HECW2: variants seen among roughly 807,000 people sequenced by gnomAD.
HECW2 encodes HECT, C2 and WW domain containing E3 ubiquitin protein ligase 2.
In HECW2, 61 loss-of-function variants were observed where a neutral mutation model predicts 175.2. That is an observed-to-expected ratio of 0.35 (90% CI 0.28 to 0.43). The LOEUF (loss-of-function observed/expected upper bound fraction) is 0.43, where lower values mean the gene tolerates loss of function less well. Ranked by LOEUF, HECW2 falls within the 20% of genes least tolerant of loss-of-function variation. The pLI, the probability that HECW2 is intolerant of heterozygous loss-of-function variation, is 1.00. For missense variants in HECW2, 1,524 were observed against 2,000.5 expected (o/e 0.76, Z 4.54); for synonymous variants, 671 against 731.0 (o/e 0.92, Z 1.32).
At chr2:196,547,306 T>C (rs916232110) in intron 1 of HECW2, among the ~76,000 whole-genome samples, 1 of 152,218 alleles carries the variant, frequency 6.6e-6, no homozygotes, top group Admixed American at 6.5e-5. Flanking sequence ...GGAGGGATAC[T>C]GCACTCAGGC....
At chr2:196,369,637 G>A (rs911191259) in intron 2 of HECW2, among the ~76,000 whole-genome samples, 3 of 152,048 alleles carry the variant, frequency 2.0e-5, no homozygotes, top group Non-Finnish European at 4.4e-5. Context: ...TCCTGGGCAG[G>A]CCTAAAGATG....
rs1045083066 is a variant in HECW2, at chr2:196,267,205, C to G, written c.3335+3988G>C. On this transcript the variant is annotated intron_variant, in intron 17 of 28. Transcript: ENST00000644978. ...CATATTAGAGGGGAAATTCTCAACT[C>G]TTAACTCAGGTTCATGGCCTTTCTC... Among the ~76,000 whole-genome samples, 9 of 152,158 alleles carry G rather than the reference C, an allele frequency of 5.9e-5. 1 individual carries two copies. The highest frequency in any genetic ancestry group is 1.2e-4 in the Non-Finnish European group (8 of 68,014).
At chr2:196,592,408 G>A (rs1691231599) in intron 1 of HECW2, 1 of 152,038 alleles carries the variant, frequency 6.6e-6, no homozygotes, top group Non-Finnish European at 1.5e-5. Flanking sequence ...AATAATAAAC[G>A]ACGAAAAGCA....
chr2:196,404,579 T>A (rs968365045), intron 2 of HECW2, among the ~76,000 whole-genome samples: 1 of 152,184 alleles, frequency 6.6e-6, no homozygotes, highest in Non-Finnish European at 1.5e-5. Flanking sequence ...GAGATTTTTA[T>A]CATCTTGGAA....
In HECW2 at chr2:196,240,462, C is replaced by T. The variant is rs377412926; in HGVS notation, c.3751G>A (p.Val1251Ile). Residue 1251 changes from valine to isoleucine, a missense_variant, in exon 21 of 29, where the codon GTT becomes ATT. Physicochemically the swap from Val to Ile is conservative, Grantham distance 29. Around this residue, in one of 11 missense-constraint regions of HECW2, gnomAD observed 291 missense variants for 412.2 expected, o/e 0.71. Transcript: ENST00000644978. ...LQRNKLYVTFVGEEGLDYSGP... is the reference protein window; with the variant it reads ...LQRNKLYVTFIGEEGLDYSGP... The stretch of plus-strand genomic sequence containing the variant: ...TGTTCTACTCACCCTTCCTCCCCAA[C>T]GAAGGTGACATATAGCTTATTTCTC... 8 of 1,608,354 alleles carry T rather than the reference C, an allele frequency of 5.0e-6. No individual in the cohort carries two copies. Among genetic ancestry groups the T allele is most frequent in the Middle Eastern group, 1.7e-4 (1 of 6,050 alleles).
chr2:196,451,638 G>T (rs919691073), intron 1 of HECW2, among the ~76,000 whole-genome samples: 1 of 152,090 alleles, frequency 6.6e-6, no homozygotes, highest in Non-Finnish European at 1.5e-5. Flanking sequence ...AGTGGCTCAT[G>T]CCTGTAATCC....
Position 196,236,796 on chromosome 2 carries a change from C to T in HECW2, c.3764+3653G>A, listed in dbSNP as rs113586885. On this transcript the variant is annotated intron_variant, in intron 21 of 28. Transcript: ENST00000644978. Reference sequence around the variant, plus strand: ...AAAGTGCCACCCTCACGCATCATACCGAGGGTACATATTATCAACATGACT... The same window carrying T: ...AAAGTGCCACCCTCACGCATCATACTGAGGGTACATATTATCAACATGACT... Among the ~76,000 whole-genome samples, 647 of 152,268 alleles carry T rather than the reference C, an allele frequency of 4.2e-3. 9 individuals are homozygous for T. Among genetic ancestry groups the T allele is most frequent in the African/African-American group, 0.015 (612 of 41,558 alleles).
At chr2:196,392,030 C>T (rs138551296) in intron 2 of HECW2, among the ~76,000 whole-genome samples, 1 of 152,286 alleles carries the variant, frequency 6.6e-6, no homozygotes, top group East Asian at 1.9e-4. Context: ...CTAATTATAC[C>T]TGCAAAGACC....
chr2:196,538,059 T>G (rs1479707333), intron 1 of HECW2, among the ~76,000 whole-genome samples: 1 of 152,224 alleles, frequency 6.6e-6, no homozygotes, highest in Non-Finnish European at 1.5e-5. Context: ...TCAGGACCCC[T>G]GTCCTGTAAC....
At chr2:196,449,971 T>C (rs1696296606) in intron 1 of HECW2, among the ~76,000 whole-genome samples, 1 of 152,216 alleles carries the variant, frequency 6.6e-6, no homozygotes, top group Admixed American at 6.5e-5. Context: ...TCTCCTCTTC[T>C]TATATGCATT....
intron 1 of HECW2, among the ~76,000 whole-genome samples, chr2:196,510,547 C>T (rs1421669114): frequency 6.6e-6 from 1 of 151,802 alleles, no homozygotes; most frequent in African/African-American, 2.4e-5. Flanking sequence ...GCTTTTATCT[C>T]CAGGTTGTGG....
chr2:196,485,953 C>A (rs893991436), intron 1 of HECW2, among the ~76,000 whole-genome samples: 1 of 152,104 alleles, frequency 6.6e-6, no homozygotes, highest in African/African-American at 2.4e-5. Context: ...GAAGCTATTC[C>A]CTGAATCAAT....
At chr2:196,355,906 G>T (rs1470032671) in intron 2 of HECW2, among the ~76,000 whole-genome samples, 1 of 152,140 alleles carries the variant, frequency 6.6e-6, no homozygotes, top group Non-Finnish European at 1.5e-5. Flanking sequence ...TACATAGGTT[G>T]GTCAGGGAAG....
chr2:196,537,184 C>T (rs1424332491), intron 1 of HECW2, among the ~76,000 whole-genome samples: 1 of 152,030 alleles, frequency 6.6e-6, no homozygotes, highest in Non-Finnish European at 1.5e-5. Flanking sequence ...AGAACCTGAA[C>T]ATCTAAACAC....
chr2:196,443,194 T>C (rs59306455), intron 1 of HECW2, among the ~76,000 whole-genome samples: 37,608 of 151,838 alleles, frequency 0.25, 4,914 homozygotes, highest in Middle Eastern at 0.32. Context: ...CTGAAGGCAG[T>C]TGGGGAGAAG....
chr2:196,525,597 AT>A (rs1319103207), intron 1 of HECW2, among the ~76,000 whole-genome samples: 3 of 134,166 alleles, frequency 2.2e-5, no homozygotes, highest in Non-Finnish European at 4.8e-5. Context: ...TTTTGGCATG[AT>A]TTTGCAGCGG....
intron 17 of HECW2, chr2:196,258,171 G>T: frequency 2.2e-6 from 1 of 447,612 alleles, no homozygotes; most frequent in African/African-American, 2.0e-5. Context: ...TGCTGCCCAA[G>T]TACTATAAAT....
chr2:196,361,918 C>T (rs1000668479), intron 2 of HECW2: 3 of 985,238 alleles, frequency 3.0e-6, no homozygotes, highest in African/African-American at 3.5e-5. Context: ...GGCCAACCCA[C>T]GTGGCAGTTT....
At chr2:196,469,129 G>A (rs1405143094) in intron 1 of HECW2, among the ~76,000 whole-genome samples, 1 of 136,062 alleles carries the variant, frequency 7.3e-6, no homozygotes, top group African/African-American at 3.4e-5. Flanking sequence ...GCGTGTGTGT[G>A]TGTGTGTGTG....
Sources: gnomAD v4.1 joint callset for allele counts (sites outside exome capture counted in the v4.1 genomes callset) on GRCh38, gnomAD v4.1.1 for gene constraint, gnomAD v4.1.1 regional missense constraint, MANE v1.5 for transcripts, NCBI Gene and HGNC (gene_info 2026-07-23, HGNC 2026-07-21) for gene names.